LRRIQ1: variants seen among roughly 807,000 people sequenced by gnomAD.
LRRIQ1 encodes the protein leucine rich repeats and IQ motif containing 1.
In LRRIQ1, 210 loss-of-function variants were observed where a neutral mutation model predicts 211.9. The ratio of observed to expected loss-of-function variants is 0.99; its 90% CI spans 0.89 to 1.11. The LOEUF is 1.11. Among genes scored for constraint, LRRIQ1 ranks in the 50% most tolerant of loss-of-function variants. The probability of loss-of-function intolerance (pLI) is 0.00; values close to 1 mark genes in which losing one functional copy is unlikely to be tolerated. For missense variants in LRRIQ1, 2,136 were observed against 1,939.5 expected (o/e 1.10, Z -1.90); for synonymous variants, 699 against 650.1 (o/e 1.08, Z -1.14).
chr12:85,211,665 G>T (rs1325009397), intron 24 of LRRIQ1, among the ~76,000 whole-genome samples: 1 of 152,040 alleles, frequency 6.6e-6, no homozygotes, highest in Non-Finnish European at 1.5e-5. Flanking sequence ...TTCACATCTT[G>T]CCTCACATAT....
intron 15 of LRRIQ1, among the ~76,000 whole-genome samples, chr12:85,111,468 A>G (rs949843567): frequency 2.0e-5 from 3 of 152,154 alleles, no homozygotes; most frequent in Admixed American, 2.0e-4. Context: ...AACTAGTCAT[A>G]TCACCAAACC....
intron 24 of LRRIQ1, among the ~76,000 whole-genome samples, chr12:85,193,574 G>T (rs1414310165): frequency 2.0e-5 from 3 of 146,848 alleles, no homozygotes; most frequent in African/African-American, 7.5e-5. Flanking sequence ...GCCAAACTAA[G>T]CTTCATAAGT....
rs541878359 is a variant in LRRIQ1 at position 85,121,233 on chromosome 12, G to T, written c.3378-464G>T. ...GATGTTCCAGATCATGATAAACAGG[G>T]TAATATCCTACCTCTTTTGTTTTAG... On this transcript the variant is annotated intron_variant, in intron 15 of 26. Transcript: ENST00000393217. 2.0e-5 allele frequency among the ~76,000 whole-genome samples: 3 copies of T among 152,116 alleles called. No individual in the cohort carries two copies. In the South Asian group the frequency reaches 6.2e-4, roughly 32 times the overall value.
chr12:85,198,161 T>A (rs1199167707), intron 24 of LRRIQ1, among the ~76,000 whole-genome samples: 1 of 127,816 alleles, frequency 7.8e-6, no homozygotes, highest in Admixed American at 9.5e-5. Context: ...ATGTATTATA[T>A]GTTATATTTA....
chr12:85,204,551 A>G (rs1185946990), intron 24 of LRRIQ1, among the ~76,000 whole-genome samples: 3 of 152,172 alleles, frequency 2.0e-5, no homozygotes, highest in Non-Finnish European at 4.4e-5. Flanking sequence ...GCCCACGACC[A>G]TGGGCACTCA....
At chr12:85,106,091 C>T (rs910230042) in intron 14 of LRRIQ1, among the ~76,000 whole-genome samples, 17 of 152,054 alleles carry the variant, frequency 1.1e-4, no homozygotes, top group Non-Finnish European at 8.8e-5. Flanking sequence ...CCACTGCCTC[C>T]GGCCCTATAT....
chr12:85,153,581 A>G, intron 21 of LRRIQ1, 82 bp from the exon 22 acceptor site: 1 of 840,984 alleles, frequency 1.2e-6, no homozygotes, highest in Non-Finnish European at 1.8e-6. Context: ...CAAGTTTGAG[A>G]CAACATAAAC....
intron 26 of LRRIQ1, among the ~76,000 whole-genome samples, chr12:85,238,735 A>C (rs1403257032): frequency 6.6e-6 from 1 of 152,114 alleles, no homozygotes; most frequent in Admixed American, 6.6e-5. Flanking sequence ...ACTAGAAGAC[A>C]CTTTCTTAAC....
chr12:85,132,391 G>T (rs933327695), intron 18 of LRRIQ1, among the ~76,000 whole-genome samples: 1 of 152,140 alleles, frequency 6.6e-6, no homozygotes, highest in South Asian at 2.1e-4. Flanking sequence ...CTAGCAGGAA[G>T]AAGCCACTTG....
At chr12:85,065,048 A>C (rs938759197) in intron 8 of LRRIQ1, among the ~76,000 whole-genome samples, 4 of 151,958 alleles carry the variant, frequency 2.6e-5, no homozygotes, top group African/African-American at 9.6e-5. Context: ...TTGGACTTGA[A>C]TTTGTCATAG....
chr12:85,121,030 C>T (rs987562832), intron 15 of LRRIQ1, among the ~76,000 whole-genome samples: 2 of 151,962 alleles, frequency 1.3e-5, no homozygotes, highest in African/African-American at 4.8e-5. Context: ...AGCAGTGGCA[C>T]GATCTTGGGT....
Position 85,220,795 on chromosome 12 carries a change from TC to T in LRRIQ1, c.4823-8716del, listed in dbSNP as rs1286833185. On this transcript the variant is annotated intron_variant, in intron 24 of 26. Coordinates refer to ENST00000393217, the MANE Select transcript of LRRIQ1 (RefSeq NM_001079910.2). ...ATCTCCTAATGCTATCCCTCCCCCC[TC>T]CCCCCTGTTTTTATTTAATTTTATT... Among the ~76,000 whole-genome samples, 14 of 64,488 alleles carry T rather than the reference TC, an allele frequency of 2.2e-4. No homozygotes were observed. In the Admixed American group the frequency reaches 2.5e-3, roughly 11 times the overall value. 42.3% of individuals were successfully genotyped at this position (64,488 alleles called of 152,430 possible).
chr12:85,072,439 C>T (rs1049437753), intron 10 of LRRIQ1, among the ~76,000 whole-genome samples: 5 of 151,400 alleles, frequency 3.3e-5, no homozygotes, highest in African/African-American at 1.2e-4. Context: ...TAAGATCTAC[C>T]TTACTGATAA....
intron 15 of LRRIQ1, among the ~76,000 whole-genome samples, chr12:85,119,114 T>C (rs1887795879): frequency 1.3e-5 from 2 of 152,186 alleles, no homozygotes; most frequent in Admixed American, 6.5e-5. Context: ...TCCACTATTG[T>C]AGTATGATAA....
chr12:85,270,745 T>A, the LRRIQ1 span, among the ~76,000 whole-genome samples: 1 of 152,172 alleles, frequency 6.6e-6, no homozygotes, highest in Non-Finnish European at 1.5e-5. Context: ...TTAGATACAT[T>A]AACTTTCTTT....
At chr12:85,133,595 A>G (rs1383336893) in intron 18 of LRRIQ1, among the ~76,000 whole-genome samples, 1 of 152,154 alleles carries the variant, frequency 6.6e-6, no homozygotes, top group Non-Finnish European at 1.5e-5. Context: ...TTCCAGGAAG[A>G]TAAAGTGGCA....
chr12:85,264,922 A>G (rs1414201495), downstream of LRRIQ1, among the ~76,000 whole-genome samples: 2 of 152,046 alleles, frequency 1.3e-5, no homozygotes, highest in Non-Finnish European at 2.9e-5. Context: ...ACTTATCATC[A>G]CTGCCTTCTA....
intron 19 of LRRIQ1, among the ~76,000 whole-genome samples, chr12:85,147,953 T>C (rs1450200919): frequency 1.3e-5 from 2 of 151,692 alleles, no homozygotes; most frequent in Non-Finnish European, 1.5e-5. Flanking sequence ...GTGTACCTGA[T>C]TGCTGTATCA....
At chr12:85,118,706 CTG>C (rs1434107710) in intron 15 of LRRIQ1, among the ~76,000 whole-genome samples, 1 of 151,968 alleles carries the variant, frequency 6.6e-6, no homozygotes. Context: ...TATTTCATAA[CTG>C]TTTGTATAAA....
Sources: allele counts gnomAD v4.1 joint callset (sites outside exome capture counted in the v4.1 genomes callset), GRCh38; gene constraint gnomAD v4.1.1; transcripts MANE v1.5; gene names NCBI Gene and HGNC (gene_info 2026-07-23, HGNC 2026-07-21).